Variants in SLC2A9 observed in about 807,000 individuals in gnomAD.
SLC2A9 encodes solute carrier family 2 member 9.
SLC2A9 carries 39 observed loss-of-function variants against 50.6 expected under a neutral mutation model. The ratio of observed to expected loss-of-function variants is 0.77; its 90% CI spans 0.60 to 1.01. The LOEUF (loss-of-function observed/expected upper bound fraction) is 1.01. Ranked by LOEUF, SLC2A9 falls within the 50% of genes least tolerant of loss-of-function variation. The probability of loss-of-function intolerance (pLI) is 0.00; values close to 1 mark genes in which losing one functional copy is unlikely to be tolerated. For missense variants in SLC2A9, 686 were observed against 677.6 expected (o/e 1.01, Z -0.14); for synonymous variants, 324 against 276.9 (o/e 1.17, Z -1.69).
At position 9,908,302 on chromosome 4, in the gene SLC2A9, G is replaced by A. The variant is rs116742917; in HGVS notation, c.1046C>T (p.Pro349Leu). ...GGTGACGTATGGGATCTTTGCCGGA[G>A]GGATCCCAGCTTTTCCAAAGATGCT... The part of the protein sequence containing the change: ...TNSIFGKAGI[P>L]PAKIPYVTLS... Residue 349 changes from proline (P) to leucine (L), a missense_variant, in exon 8 of 12, where the codon CCT becomes CTT. Physicochemically the swap from Pro to Leu is moderately conservative, Grantham distance 98. Coordinates refer to ENST00000264784, the MANE Select transcript of SLC2A9 (RefSeq NM_020041.3). 2.0e-3 allele frequency: 3,213 copies of A among 1,613,926 alleles called. 51 individuals are homozygous for A. The African/African-American group carries it at 0.037, about 18-fold the overall frequency.
chr4:9,792,117 C>T (rs1178922993), intron 3 of SLC2A9, among the ~76,000 whole-genome samples: 1 of 145,698 alleles, frequency 6.9e-6, no homozygotes, highest in Non-Finnish European at 1.5e-5. Flanking sequence ...GTGCTCATTT[C>T]TCTATTCCAG....
intron 8 of SLC2A9, among the ~76,000 whole-genome samples, chr4:9,893,089 T>A (rs1737831667): frequency 6.6e-6 from 1 of 152,186 alleles, no homozygotes; most frequent in Non-Finnish European, 1.5e-5. Flanking sequence ...AAATCTTTTC[T>A]GTTGTTGTGA....
At chr4:9,965,745 C>A (rs61691299) in intron 5 of SLC2A9, among the ~76,000 whole-genome samples, 1 of 152,078 alleles carries the variant, frequency 6.6e-6, no homozygotes, top group African/African-American at 2.4e-5. Context: ...TTCTTAAAAT[C>A]ATTTCAGTTA....
At position 9,973,344 on chromosome 4, in the gene SLC2A9, C is replaced by A. The variant is rs74525744; in HGVS notation, c.681+7248G>T. ...TAAAAGCCCTGAAAAGATGGATTCA[C>A]AGCCAAATTCTATTAGATGTACAAA... On this transcript the variant is annotated intron_variant, in intron 5 of 11. Transcript: ENST00000264784. 9.4e-3 allele frequency among the ~76,000 whole-genome samples: 1,437 copies of A among 152,248 alleles called. 27 individuals are homozygous for A. Among genetic ancestry groups the A allele is most frequent in the African/African-American group, 0.033 (1,387 of 41,558 alleles).
intron 10 of SLC2A9, among the ~76,000 whole-genome samples, chr4:9,887,138 A>ACAGGTCAAGT (rs1395480904): frequency 1.1e-4 from 17 of 152,264 alleles, no homozygotes; most frequent in African/African-American, 4.1e-4. Flanking sequence ...ATGAGCTCAC[A>ACAGGTCAAGT]CAGGTCAAGT....
chr4:10,016,161 C>A (rs1474876843), intron 2 of SLC2A9, among the ~76,000 whole-genome samples: 1 of 152,218 alleles, frequency 6.6e-6, no homozygotes, highest in African/African-American at 2.4e-5. Flanking sequence ...CGCATACTGG[C>A]CACAGAGGTA....
intron 8 of SLC2A9, among the ~76,000 whole-genome samples, chr4:9,894,190 T>A (rs1287701950): frequency 6.6e-6 from 1 of 152,120 alleles, no homozygotes; most frequent in Admixed American, 6.6e-5. Flanking sequence ...AATCTAGAAA[T>A]CCACCAACAA....
At chr4:9,886,381 T>C (rs1736216661) in intron 10 of SLC2A9, among the ~76,000 whole-genome samples, 1 of 151,346 alleles carries the variant, frequency 6.6e-6, no homozygotes, top group South Asian at 2.1e-4. Flanking sequence ...TGGGAGGTGC[T>C]TGCTTTCTTT....
chr4:9,934,533 G>T (rs1746710434), intron 6 of SLC2A9, among the ~76,000 whole-genome samples: 1 of 152,198 alleles, frequency 6.6e-6, no homozygotes, highest in Non-Finnish European at 1.5e-5. Context: ...TTGCTGGAAA[G>T]GCCCTTTGGT....
At chr4:9,782,197 G>A (rs1429786548) in intron 3 of SLC2A9, 2 of 1,609,428 alleles carry the variant, frequency 1.2e-6, no homozygotes, top group Non-Finnish European at 1.7e-6. Flanking sequence ...GGACCCTGCT[G>A]GGCAACGTGC....
At chr4:9,904,337 C>T (rs1456771991) in intron 8 of SLC2A9, among the ~76,000 whole-genome samples, 1 of 152,320 alleles carries the variant, frequency 6.6e-6, no homozygotes, top group East Asian at 1.9e-4. Flanking sequence ...AGAACATCTG[C>T]ATTCCTGGGC....
intron 6 of SLC2A9, among the ~76,000 whole-genome samples, chr4:9,941,223 C>T (rs987817636): frequency 6.6e-6 from 1 of 152,186 alleles, no homozygotes; most frequent in African/African-American, 2.4e-5. Context: ...TTTGCCTTTT[C>T]AGGGCTCTGT....
At chr4:9,852,277 G>T (rs1341470787) in intron 10 of SLC2A9, among the ~76,000 whole-genome samples, 8 of 148,008 alleles carry the variant, frequency 5.4e-5, no homozygotes, top group Non-Finnish European at 4.4e-5. Flanking sequence ...ACGGAGTCTC[G>T]CTCTGTCGCC....
intron 10 of SLC2A9, among the ~76,000 whole-genome samples, chr4:9,887,073 G>A (rs931974909): frequency 6.6e-6 from 1 of 152,196 alleles, no homozygotes; most frequent in African/African-American, 2.4e-5. Context: ...CCACCTACTC[G>A]CTCATGCAAG....
chr4:10,031,042 G>T (rs906263928), intron 1 of SLC2A9, among the ~76,000 whole-genome samples: 4 of 152,216 alleles, frequency 2.6e-5, no homozygotes, highest in African/African-American at 7.2e-5. Flanking sequence ...CTTTCAGGGG[G>T]CTTAGATTGA....
intron 5 of SLC2A9, among the ~76,000 whole-genome samples, chr4:9,960,621 G>A (rs187215218): frequency 2.1e-3 from 326 of 152,366 alleles, no homozygotes; most frequent in Middle Eastern, 0.014. Flanking sequence ...CAAAGCTCAC[G>A]TGGCATTCAG....
At chr4:9,797,322 A>C (rs1720710387), downstream of SLC2A9, among the ~76,000 whole-genome samples, 1 of 152,200 alleles carries the variant, frequency 6.6e-6, no homozygotes, top group Non-Finnish European at 1.5e-5. Flanking sequence ...AGGTTCAGTA[A>C]TTTTCTTTTG....
chr4:9,808,015 T>C (rs34781936), intron 3 of SLC2A9, among the ~76,000 whole-genome samples: 432 of 152,328 alleles, frequency 2.8e-3, no homozygotes, highest in Non-Finnish European at 3.9e-3. Context: ...TGGCTCTAAG[T>C]CATGATGGAG....
intron 8 of SLC2A9, among the ~76,000 whole-genome samples, chr4:9,905,906 G>A (rs1317073283): frequency 1.3e-5 from 2 of 152,166 alleles, no homozygotes; most frequent in African/African-American, 4.8e-5. Flanking sequence ...AGCTGACTGT[G>A]TGACCCAGAG....
Sources: gnomAD v4.1 joint callset for allele counts (sites outside exome capture counted in the v4.1 genomes callset) on GRCh38, gnomAD v4.1.1 for gene constraint, MANE v1.5 for transcripts, NCBI Gene and HGNC (gene_info 2026-07-23, HGNC 2026-07-21) for gene names.